CNTN4: variants seen among roughly 807,000 people sequenced by gnomAD.
CNTN4 encodes the protein contactin-4.
In CNTN4, 77 loss-of-function variants were observed where a neutral mutation model predicts 122.5. That is an observed-to-expected ratio of 0.63 (90% CI 0.52 to 0.76). The LOEUF (loss-of-function observed/expected upper bound fraction) is 0.76, where lower values mean the gene tolerates loss of function less well. CNTN4 is among the 30% of genes least tolerant of loss of function. The pLI, the probability that CNTN4 is intolerant of heterozygous loss-of-function variation, is 0.00. For missense variants in CNTN4, 1,256 were observed against 1,259.1 expected, an observed-to-expected ratio of 1.00 and a Z score of 0.04; for synonymous variants, 512 against 447.0, an observed-to-expected ratio of 1.15 and a Z score of -1.83.
chr3:2,514,744 C>A, intron 3 of CNTN4, among the ~76,000 whole-genome samples: 1 of 152,168 alleles, frequency 6.6e-6, no homozygotes, highest in East Asian at 1.9e-4. Context: ...AAGTTACGAA[C>A]TCATGACATC....
intron 4 of CNTN4, among the ~76,000 whole-genome samples, chr3:2,710,580 T>G (rs1458052480): frequency 6.6e-6 from 1 of 152,216 alleles, no homozygotes; most frequent in African/African-American, 2.4e-5. Context: ...CAATTGCATT[T>G]TTTTTAATAT....
At chr3:2,860,351 TG>T (rs2093659041) in intron 7 of CNTN4, among the ~76,000 whole-genome samples, 1 of 152,112 alleles carries the variant, frequency 6.6e-6, no homozygotes, top group South Asian at 2.1e-4. Context: ...TGGCGACTGG[TG>T]GTCCAAGTGA....
chr3:2,454,593 TC>T (rs1353518646), intron 3 of CNTN4, among the ~76,000 whole-genome samples: 3 of 25,580 alleles, frequency 1.2e-4, no homozygotes, highest in African/African-American at 4.1e-4. Context: ...GTAGATATAA[TC>T]AGCCCCATAT....
chr3:2,670,959 T>A (rs1044973369), intron 4 of CNTN4, among the ~76,000 whole-genome samples: 1 of 152,226 alleles, frequency 6.6e-6, no homozygotes, highest in African/African-American at 2.4e-5. Flanking sequence ...TGCGGAGAGA[T>A]CAGCTGTTAG....
intron 14 of CNTN4, among the ~76,000 whole-genome samples, chr3:3,000,318 G>A (rs1308575761): frequency 6.6e-6 from 1 of 150,858 alleles, no homozygotes; most frequent in Non-Finnish European, 1.5e-5. Context: ...TCACCTTAAA[G>A]AGTGACAACT....
intron 3 of CNTN4, among the ~76,000 whole-genome samples, chr3:2,435,706 C>T (rs2048235479): frequency 6.6e-6 from 1 of 152,180 alleles, no homozygotes; most frequent in African/African-American, 2.4e-5. Context: ...CTATTACATA[C>T]AAGGGATGTT....
chr3:2,792,284 C>T (rs2092036744), intron 6 of CNTN4, among the ~76,000 whole-genome samples: 1 of 152,142 alleles, frequency 6.6e-6, no homozygotes, highest in Non-Finnish European at 1.5e-5. Context: ...AAGTGTTATA[C>T]TGTCTGAATC....
chr3:2,460,770 C>T (rs1241376367), intron 3 of CNTN4, among the ~76,000 whole-genome samples: 1 of 152,130 alleles, frequency 6.6e-6, no homozygotes, highest in African/African-American at 2.4e-5. Flanking sequence ...GGCATCTCTA[C>T]CAGAGATTCT....
chr3:2,859,888 C>T (rs190260795), intron 7 of CNTN4, among the ~76,000 whole-genome samples: 1 of 152,154 alleles, frequency 6.6e-6, no homozygotes, highest in Admixed American at 6.5e-5. Context: ...CAATTTACCC[C>T]CAAAAAATAG....
At chr3:2,386,995 C>G (rs1030868034) in intron 3 of CNTN4, among the ~76,000 whole-genome samples, 2 of 152,158 alleles carry the variant, frequency 1.3e-5, no homozygotes, top group African/African-American at 4.8e-5. Context: ...TTCAGGAAGA[C>G]TACCTAAAGG....
At chr3:2,599,397 A>T (rs1479538) in intron 4 of CNTN4, among the ~76,000 whole-genome samples, 8,181 of 152,274 alleles carry the variant, frequency 0.054, 728 homozygotes, top group African/African-American at 0.19. Flanking sequence ...GCCATCTCCA[A>T]TCCTTGGGGA....
intron 6 of CNTN4, among the ~76,000 whole-genome samples, chr3:2,812,671 C>T (rs1361283981): frequency 6.6e-6 from 1 of 152,038 alleles, no homozygotes; most frequent in Non-Finnish European, 1.5e-5. Flanking sequence ...GTAAACTTTC[C>T]TTTGGATGCT....
chr3:2,403,854 T>C (rs973871372), intron 3 of CNTN4, among the ~76,000 whole-genome samples: 8 of 152,188 alleles, frequency 5.3e-5, no homozygotes, highest in Non-Finnish European at 8.8e-5. Context: ...GAGTTTTTAA[T>C]TTCAAACCTA....
intron 3 of CNTN4, among the ~76,000 whole-genome samples, chr3:2,480,438 T>G (rs1340286530): frequency 6.6e-6 from 1 of 152,220 alleles, no homozygotes; most frequent in Non-Finnish European, 1.5e-5. Context: ...ATTGTTAACA[T>G]AGACCAGTAA....
intron 3 of CNTN4, among the ~76,000 whole-genome samples, chr3:2,535,392 T>C (rs2077762474): frequency 6.6e-6 from 1 of 152,194 alleles, no homozygotes; most frequent in Admixed American, 6.6e-5. Flanking sequence ...TTCAATTCTC[T>C]TTCATTTGAT....
intron 23 of CNTN4, among the ~76,000 whole-genome samples, chr3:3,047,343 C>T (rs113134359): frequency 0.017 from 2,660 of 152,310 alleles, 40 homozygotes; most frequent in Middle Eastern, 0.068. Flanking sequence ...AGCACCACAT[C>T]GCACTTATTC....
At chr3:2,641,701 T>C (rs2082902766) in intron 4 of CNTN4, among the ~76,000 whole-genome samples, 1 of 152,216 alleles carries the variant, frequency 6.6e-6, no homozygotes, top group Non-Finnish European at 1.5e-5. Flanking sequence ...TGCAGCACAA[T>C]GAATTACAAT....
chr3:2,289,766 G>A (rs182507933), intron 2 of CNTN4, among the ~76,000 whole-genome samples: 2 of 152,254 alleles, frequency 1.3e-5, no homozygotes, highest in East Asian at 3.9e-4. Context: ...ACTATATCTG[G>A]TTTTGATCTC....
intron 13 of CNTN4, among the ~76,000 whole-genome samples, chr3:2,983,127 T>C (rs1478422307): frequency 7.2e-6 from 1 of 139,396 alleles, no homozygotes; most frequent in Non-Finnish European, 1.5e-5. Flanking sequence ...GACAGGAGAA[T>C]GGTATGAACC....
Sources: allele counts gnomAD v4.1 joint callset (sites outside exome capture counted in the v4.1 genomes callset), GRCh38; gene constraint gnomAD v4.1.1; transcripts MANE v1.5; gene names NCBI Gene and HGNC (gene_info 2026-07-23, HGNC 2026-07-21).